Variants in CSMD3 observed in about 807,000 individuals in gnomAD.
CSMD3 encodes CUB and sushi domain-containing protein 3.
In CSMD3, 177 loss-of-function variants were observed where a neutral mutation model predicts 435.2. The ratio of observed to expected loss-of-function variants is 0.41; its 90% confidence interval spans 0.36 to 0.46. The LOEUF (loss-of-function observed/expected upper bound fraction) is 0.46, where lower values mean the gene tolerates loss of function less well. CSMD3 is among the 20% of genes least tolerant of loss of function. The pLI, the probability that CSMD3 is intolerant of heterozygous loss-of-function variation, is 0.34. For synonymous variants in CSMD3, 1,656 were observed against 1,520.5 expected (o/e 1.09, Z -2.07); for missense variants, 4,265 against 4,504.6 (o/e 0.95, Z 1.52).
intron 32 of CSMD3, among the ~76,000 whole-genome samples, chr8:112,428,546 T>C (rs931509450): frequency 6.6e-6 from 1 of 152,172 alleles, no homozygotes; most frequent in Non-Finnish European, 1.5e-5. Context: ...AAATGAATAT[T>C]CCTGGAGCTG....
chr8:113,251,877 G>A (rs2030505), intron 3 of CSMD3, among the ~76,000 whole-genome samples: 151,762 of 152,160 alleles, frequency 1, 75,683 homozygotes, highest in Middle Eastern at 1. Flanking sequence ...AAAGTAAATT[G>A]TATACTTTCT....
intron 6 of CSMD3, among the ~76,000 whole-genome samples, chr8:113,001,287 G>A (rs1475240475): frequency 6.6e-6 from 1 of 151,902 alleles, no homozygotes; most frequent in African/African-American, 2.4e-5. Context: ...TCCTTATCAC[G>A]GCCTGAGGAC....
In CSMD3 at chr8:112,424,188, C is replaced by T. The variant is rs374077857; in HGVS notation, c.5396-15156G>A. 8.4e-4 allele frequency among the ~76,000 whole-genome samples: 128 copies of T among 152,116 alleles called. 1 individual carries two copies. The highest frequency in any genetic ancestry group is 2.8e-3 in the African/African-American group (118 of 41,510). On this transcript the variant is annotated intron_variant, in intron 32 of 70. Transcript: ENST00000297405. ...CCAACCTACTTGCAGGAATAATTAA[C>T]GATTCAAAGCCCAGATCGACGGCCA...
chr8:112,765,284 GA>G (rs1193918885), intron 13 of CSMD3, among the ~76,000 whole-genome samples: 3 of 151,530 alleles, frequency 2.0e-5, no homozygotes, highest in Non-Finnish European at 3.0e-5. Context: ...GGATTTGGCT[GA>G]AAAAAACTAC....
chr8:113,170,089 A>G (rs2092239987), intron 4 of CSMD3, among the ~76,000 whole-genome samples: 1 of 152,170 alleles, frequency 6.6e-6, no homozygotes, highest in Non-Finnish European at 1.5e-5. Flanking sequence ...AGGTTTCATC[A>G]AGGAGAGACT....
intron 49 of CSMD3, among the ~76,000 whole-genome samples, chr8:112,312,408 C>T (rs889151505): frequency 2.6e-5 from 4 of 152,016 alleles, no homozygotes; most frequent in Admixed American, 1.3e-4. Context: ...GTGCCCACCA[C>T]CATGCCCAGC....
chr8:113,257,761 A>G (rs2093394851), intron 3 of CSMD3, among the ~76,000 whole-genome samples: 1 of 152,236 alleles, frequency 6.6e-6, no homozygotes, highest in South Asian at 2.1e-4. Context: ...ACTGTGGCAA[A>G]TTAAAGCATC....
chr8:112,518,429 G>C (rs1823910009), intron 27 of CSMD3, among the ~76,000 whole-genome samples: 1 of 151,974 alleles, frequency 6.6e-6, no homozygotes. Flanking sequence ...GACAGCTTGA[G>C]CCTAGGAGGT....
At chr8:112,383,689 A>T in intron 36 of CSMD3, 26 bp from the exon 37 acceptor site, 1 of 1,359,608 alleles carries the variant, frequency 7.4e-7, no homozygotes, top group Non-Finnish European at 1.1e-6. Context: ...TACAGGTAAG[A>T]ATACACATTT....
chr8:112,990,049 G>T (rs1325175671), intron 6 of CSMD3, among the ~76,000 whole-genome samples: 1 of 151,936 alleles, frequency 6.6e-6, no homozygotes, highest in Non-Finnish European at 1.5e-5. Context: ...ATGTGACTTT[G>T]TTCCTCATTC....
chr8:113,132,798 G>T (rs1385584590), intron 4 of CSMD3, among the ~76,000 whole-genome samples: 1 of 152,116 alleles, frequency 6.6e-6, no homozygotes, highest in East Asian at 1.9e-4. Flanking sequence ...AGGGAAGGGG[G>T]CTTACATGTA....
intron 1 of CSMD3, among the ~76,000 whole-genome samples, chr8:113,324,009 A>C (rs1243423830): frequency 6.6e-6 from 1 of 152,176 alleles, no homozygotes; most frequent in Non-Finnish European, 1.5e-5. Flanking sequence ...CCCAAATCTC[A>C]TCTTGAACTT....
At chr8:113,035,905 AC>A (rs1437708242) in intron 5 of CSMD3, among the ~76,000 whole-genome samples, 7 of 151,976 alleles carry the variant, frequency 4.6e-5, no homozygotes, top group Non-Finnish European at 4.4e-5. Context: ...TTTTCCTTGC[AC>A]AGTAAGGAAA....
intron 10 of CSMD3, among the ~76,000 whole-genome samples, chr8:112,896,764 A>G (rs1468532274): frequency 5.3e-5 from 8 of 151,450 alleles, no homozygotes; most frequent in Non-Finnish European, 1.2e-4. Context: ...CATTCCTCAT[A>G]CTACATCCAG....
intron 2 of CSMD3, among the ~76,000 whole-genome samples, chr8:113,279,519 AAAGT>A (rs1227025080): frequency 6.6e-6 from 1 of 151,744 alleles, no homozygotes; most frequent in Non-Finnish European, 1.5e-5. Flanking sequence ...TAAGTTACTC[AAAGT>A]AATAGAGAAG....
intron 38 of CSMD3, among the ~76,000 whole-genome samples, chr8:112,353,778 C>T (rs549795318): frequency 6.2e-4 from 95 of 152,092 alleles, no homozygotes; most frequent in Non-Finnish European, 1.1e-3. Context: ...ACAAAACATA[C>T]AAAGCTGATA....
intron 7 of CSMD3, among the ~76,000 whole-genome samples, chr8:112,961,837 C>A (rs2084241718): frequency 6.6e-6 from 1 of 151,868 alleles, no homozygotes; most frequent in Admixed American, 6.6e-5. Flanking sequence ...AGCACTTACG[C>A]AGATAACAGC....
At chr8:113,050,994 T>C (rs1167996003) in intron 5 of CSMD3, among the ~76,000 whole-genome samples, 1 of 151,970 alleles carries the variant, frequency 6.6e-6, no homozygotes, top group Non-Finnish European at 1.5e-5. Context: ...AGAAGGGAAG[T>C]GAGAAAGGGT....
At chr8:112,910,207 C>T (rs2082369514) in intron 10 of CSMD3, among the ~76,000 whole-genome samples, 1 of 151,644 alleles carries the variant, frequency 6.6e-6, no homozygotes. Flanking sequence ...AAAAGCTCTC[C>T]AGGTGATTTT....
Sources: allele counts gnomAD v4.1 joint callset (sites outside exome capture counted in the v4.1 genomes callset), GRCh38; gene constraint gnomAD v4.1.1; transcripts MANE v1.5; gene names NCBI Gene and HGNC (gene_info 2026-07-23, HGNC 2026-07-21).